The following EIF2AK1 variants were observed in gnomAD, a reference collection of about 807,000 sequenced individuals.
The protein encoded by EIF2AK1 is eukaryotic translation initiation factor 2 alpha kinase 1, also known as eukaryotic translation initiation factor 2-alpha kinase 1.
EIF2AK1 carries 54 observed loss-of-function variants against 77.9 expected under a neutral mutation model. The ratio of observed to expected loss-of-function variants is 0.69; its 90% CI spans 0.56 to 0.87. The LOEUF (loss-of-function observed/expected upper bound fraction) is 0.87, where lower values mean the gene tolerates loss of function less well. Among genes scored for constraint, EIF2AK1 ranks in the 40% least tolerant of loss-of-function variants. The probability of loss-of-function intolerance (pLI) is 0.00; values close to 1 mark genes in which losing one functional copy is unlikely to be tolerated. For missense variants in EIF2AK1, 810 were observed against 768.6 expected (o/e 1.05, Z -0.64); for synonymous variants, 314 against 290.5 (o/e 1.08, Z -0.82).
At position 6,043,000 on chromosome 7, in the gene EIF2AK1, G is replaced by C. The variant is rs1788340721; in HGVS notation, c.731-7C>G. The stretch of plus-strand genomic sequence containing the variant: ...TCAATGGCAGCTCTGTCTGCTGAAT[G>C]AAAACAAACAACAATCATCTTCAAA... On this transcript the variant is annotated splice_polypyrimidine_tract_variant and splice_region_variant and intron_variant, in intron 7 of 14. Transcript: ENST00000199389. 1 of 1,613,940 alleles carries C rather than the reference G, an allele frequency of 6.2e-7. No homozygotes were observed. Among genetic ancestry groups the C allele is most frequent in the East Asian group, 2.2e-5 (1 of 44,874 alleles).
rs1379461297 is a variant in EIF2AK1, at chr7:6,033,622, G to C, written c.1332+3802C>G. Among the ~76,000 whole-genome samples the C allele has an allele frequency of 6.6e-6, 1 of 151,674 alleles. No individual in the cohort carries two copies. Among genetic ancestry groups the C allele is most frequent in the African/African-American group, 2.4e-5 (1 of 41,332 alleles). On this transcript the variant is annotated intron_variant, in intron 11 of 14. Coordinates refer to ENST00000199389, the MANE Select transcript of EIF2AK1 (RefSeq NM_014413.4). The surrounding 1 kb of genome is among the most constrained non-coding windows in gnomAD (Gnocchi z 4.4). ...TTTTTGTTTTTTGAGACAGAGTCTCGCTCTGTCGCCCAGGCTGGAGTGCAG... is the reference window on the plus strand; with the variant it reads ...TTTTTGTTTTTTGAGACAGAGTCTCCCTCTGTCGCCCAGGCTGGAGTGCAG...
chr7:6,049,880 G>A (rs370736573), intron 3 of EIF2AK1, 32 bp downstream of exon 3: 2 of 1,571,384 alleles, frequency 1.3e-6, no homozygotes, highest in Non-Finnish European at 1.7e-6. Context: ...GTATATTTTT[G>A]TCATACCCAA....
At position 6,054,566 on chromosome 7, in the gene EIF2AK1, C is replaced by G. The variant is rs1350236166; in HGVS notation, c.257G>C (p.Arg86Pro). 6.2e-7 allele frequency: 1 copy of G among 1,614,056 alleles called. No individual in the cohort carries two copies. The highest frequency in any genetic ancestry group is 1.3e-5 in the African/African-American group (1 of 75,006). ...LSHVHEPNPL[R>P]SRQVFKLLCQ... is the part of the protein sequence containing the mutation. ...CTTACGCTTAAACACCTGTCTTGAA[C>G]GAAGTGGGTTTGGTTCATGCACGTG... The change falls in exon 2 of 15, where the codon CGT becomes CCT. Residue 86 changes from arginine to proline, a missense_variant. By Grantham distance (103) the Arg-to-Pro change is moderately radical. Around this residue, in one of 3 missense-constraint regions of EIF2AK1, gnomAD observed 246 missense variants for 199.0 expected, o/e 1.24. Transcript: ENST00000199389.
rs1263716784 is a variant in EIF2AK1, at chr7:6,033,707, C to T, written c.1332+3717G>A. On this transcript the variant is annotated intron_variant, in intron 11 of 14. Transcript: ENST00000199389. The surrounding 1 kb of genome is among the most constrained non-coding windows in gnomAD (Gnocchi z 4.4). The stretch of plus-strand genomic sequence containing the variant: ...GCCTCAGCCTCCCAAGTAGCTGGGA[C>T]TACAGGCGCCTGCCACCACGCCTGG... Among the ~76,000 whole-genome samples, 1 of 151,952 alleles carries T rather than the reference C, an allele frequency of 6.6e-6. No homozygotes were observed. The highest frequency in any genetic ancestry group is 2.4e-5 in the African/African-American group (1 of 41,400).
At chr7:6,049,271 G>A (rs1263311768) in intron 3 of EIF2AK1, among the ~76,000 whole-genome samples, 1 of 152,148 alleles carries the variant, frequency 6.6e-6, no homozygotes. Context: ...TAGGTAGGGC[G>A]CGGTGGCTCA....
chr7:6,029,895 G>A (rs375228941), intron 11 of EIF2AK1, among the ~76,000 whole-genome samples: 3 of 151,996 alleles, frequency 2.0e-5, no homozygotes, highest in African/African-American at 7.2e-5. Context: ...AGGCAGAATT[G>A]CTTGAACCTG....
chr7:6,050,892 T>C (rs607628), intron 2 of EIF2AK1, among the ~76,000 whole-genome samples: 93,270 of 151,944 alleles, frequency 0.61, 28,975 homozygotes, highest in African/African-American at 0.71. Context: ...CATGAGCCAC[T>C]GCACCCGGCC....
At position 6,024,067 on chromosome 7, in the gene EIF2AK1, T is replaced by G; in HGVS notation, c.*606A>C. On this transcript the variant is annotated 3_prime_UTR_variant, in exon 15 of 15. Transcript: ENST00000199389. ...TGAGCTGCCTGGAGATCATCTGGGGTGCGGAGTACAAAGCTTTGCAAGGGT... is the reference window on the plus strand; with the variant it reads ...TGAGCTGCCTGGAGATCATCTGGGGGGCGGAGTACAAAGCTTTGCAAGGGT... 2.3e-6 allele frequency: 3 copies of G among 1,305,290 alleles called. No individual in the cohort carries two copies. The highest frequency in any genetic ancestry group is 3.0e-5 in the African/African-American group (2 of 66,592). The allele number at this position is 1,305,290 out of a possible 1,614,324, so 80.9% of individuals were successfully genotyped here.
chr7:6,045,267 A>C (rs1181980222), intron 6 of EIF2AK1, among the ~76,000 whole-genome samples: 1 of 151,920 alleles, frequency 6.6e-6, no homozygotes, highest in African/African-American at 2.4e-5. Context: ...TACCACACCC[A>C]GCTAATTTTT....
At chr7:6,034,987 G>C (rs1434380759) in intron 11 of EIF2AK1, among the ~76,000 whole-genome samples, 1 of 152,124 alleles carries the variant, frequency 6.6e-6, no homozygotes, top group African/African-American at 2.4e-5. Flanking sequence ...GCTCACTTCT[G>C]TGGCAATAAC....
intron 2 of EIF2AK1, among the ~76,000 whole-genome samples, chr7:6,050,839 G>A (rs912338573): frequency 5.9e-5 from 9 of 151,752 alleles, no homozygotes; most frequent in East Asian, 1.9e-4. Context: ...TCCTGACCTC[G>A]TGATCCACCC....
chr7:6,026,633 C>A, intron 14 of EIF2AK1, 95 bp downstream of exon 14: 1 of 980,190 alleles, frequency 1.0e-6, no homozygotes, highest in Non-Finnish European at 1.6e-6. Flanking sequence ...TCTTCCAGCC[C>A]CAGCCTCCGG....
chr7:6,030,039 G>A (rs1258685428), intron 11 of EIF2AK1, among the ~76,000 whole-genome samples: 1 of 152,164 alleles, frequency 6.6e-6, no homozygotes, highest in African/African-American at 2.4e-5. Context: ...GATTTTCTAT[G>A]TGTGAGAAAA....
rs749747260 is a variant in EIF2AK1 at position 6,056,628 on chromosome 7, A to ATATATATATATATGTATG, written c.119-1925_119-1924insCATACATATATATATATA. Among the ~76,000 whole-genome samples the ATATATATATATATGTATG allele has an allele frequency of 2.2e-3, 164 of 75,902 alleles. 3 individuals are homozygous for ATATATATATATATGTATG. The highest frequency in any genetic ancestry group is 0.021 in the South Asian group (51 of 2,480). 49.8% of individuals were successfully genotyped at this position (75,902 alleles called of 152,430 possible). A position where few individuals can be genotyped will look rare whatever the true frequency, so the allele number is the denominator to read the frequency against. ...AAAAAAAAAAAATATATATATATAT[A>ATATATATATATATGTATG]TATATATAAACTCTGTCTGGACATT... On this transcript the variant is annotated intron_variant, in intron 1 of 14. Transcript: ENST00000199389.
At chr7:6,026,532 A>G in intron 14 of EIF2AK1, 196 bp downstream of exon 14, 1 of 704,514 alleles carries the variant, frequency 1.4e-6, no homozygotes, top group East Asian at 2.8e-5. Context: ...TGCTACCCCA[A>G]GGGGAGTGAG....
chr7:6,051,599 T>C (rs530494131), intron 2 of EIF2AK1, among the ~76,000 whole-genome samples: 1 of 152,010 alleles, frequency 6.6e-6, no homozygotes, highest in African/African-American at 2.4e-5. Context: ...CTGGCTAATT[T>C]TTGTATTTTT....
chr7:6,027,757 G>T lies in EIF2AK1; in HGVS notation c.1531-796C>A, dbSNP rs1454215481. 6.6e-6 allele frequency among the ~76,000 whole-genome samples: 1 copy of T among 152,084 alleles called. No individual in the cohort carries two copies. The highest frequency in any genetic ancestry group is 1.5e-5 in the Non-Finnish European group (1 of 68,016). ...CTGAGGTGAACAGTGATGTTTTAAA[G>T]GGAAAGCTCATTTCAAAATCGATTT... On this transcript the variant is annotated intron_variant, in intron 13 of 14. Transcript: ENST00000199389. This position sits in a 1 kb window ranked among gnomAD's most constrained non-coding sequence, Gnocchi z 4.5.
Position 6,034,474 on chromosome 7 carries a change from CCTTAGGGGACCCTTT to C in EIF2AK1, c.1332+2935_1332+2949del, listed in dbSNP as rs1157458821. On this transcript the variant is annotated intron_variant, in intron 11 of 14. Coordinates refer to ENST00000199389, the MANE Select transcript of EIF2AK1 (RefSeq NM_014413.4). ...AACCATCACAGACTCGCCCCATTCT[CCTTAGGGGACCCTTT>C]CCTACCCTGCATACTGCATGCACTA... Among the ~76,000 whole-genome samples the C allele has an allele frequency of 5.9e-5, 9 of 152,192 alleles. No individual in the cohort carries two copies. In the East Asian group the frequency reaches 1.7e-3, roughly 29 times the overall value.
At chr7:6,034,072 C>A (rs1306460441) in intron 11 of EIF2AK1, among the ~76,000 whole-genome samples, 1 of 151,562 alleles carries the variant, frequency 6.6e-6, no homozygotes, top group Non-Finnish European at 1.5e-5. Flanking sequence ...AATCCCAGCA[C>A]CATGGGAGGC....
Sources: allele counts gnomAD v4.1 joint callset (sites outside exome capture counted in the v4.1 genomes callset), GRCh38; gene constraint gnomAD v4.1.1; regional missense constraint gnomAD v4.1.1; non-coding constraint Gnocchi (gnomAD v3.1); transcripts MANE v1.5; gene names NCBI Gene and HGNC (gene_info 2026-07-23, HGNC 2026-07-21).